The following UMAD1 variants were observed in gnomAD, a reference collection of about 807,000 sequenced individuals.
UMAD1 encodes UBAP1-MVB12-associated (UMA) domain containing 1.
Under a neutral mutation model 6.1 loss-of-function variants are expected in UMAD1, and 8 were observed. The ratio of observed to expected loss-of-function variants is 1.30; its 90% confidence interval spans 0.76 to 2.35. The LOEUF is 2.35. UMAD1 is among the 30% of genes most tolerant of loss of function. The pLI, the probability that UMAD1 is intolerant of heterozygous loss-of-function variation, is 0.00. For missense variants in UMAD1, 130 were observed against 78.4 expected (o/e 1.66, Z -2.49); for synonymous variants, 56 against 31.4 (o/e 1.78, Z -2.61).
intron 3 of UMAD1, among the ~76,000 whole-genome samples, chr7:7,858,349 G>A (rs947520977): frequency 6.6e-6 from 1 of 152,112 alleles, no homozygotes; most frequent in Non-Finnish European, 1.5e-5. Flanking sequence ...AAATTATTTA[G>A]TTTCTTCAGA....
At chr7:7,690,368 C>T (rs1346873466) in intron 2 of UMAD1, among the ~76,000 whole-genome samples, 1 of 151,938 alleles carries the variant, frequency 6.6e-6, no homozygotes, top group African/African-American at 2.4e-5. Flanking sequence ...TACAAAATCA[C>T]TTTATAAAGT....
chr7:7,733,737 T>C (rs1206324915), intron 2 of UMAD1, among the ~76,000 whole-genome samples: 1 of 151,458 alleles, frequency 6.6e-6, no homozygotes, highest in Non-Finnish European at 1.5e-5. Flanking sequence ...ATATGACTTT[T>C]TATAGTTGTG....
intron 3 of UMAD1, among the ~76,000 whole-genome samples, chr7:7,831,047 T>C (rs1783455257): frequency 6.6e-6 from 1 of 152,284 alleles, no homozygotes; most frequent in East Asian, 1.9e-4. Flanking sequence ...TTACAACAAA[T>C]ACTAATGATA....
At chr7:7,701,391 T>G (rs1278390209) in intron 2 of UMAD1, among the ~76,000 whole-genome samples, 2 of 151,058 alleles carry the variant, frequency 1.3e-5, no homozygotes, top group Non-Finnish European at 2.9e-5. Context: ...CTACAGACAA[T>G]CTATGTGACA....
At position 7,838,986 on chromosome 7, in the gene UMAD1, A is replaced by G. The variant is rs537891528; in HGVS notation, c.156+37243A>G. 4.6e-5 allele frequency among the ~76,000 whole-genome samples: 7 copies of G among 152,328 alleles called. No individual in the cohort carries two copies. The South Asian group carries it at 1.2e-3, about 27-fold the overall frequency. ...GAATAAACGCAAAATTCAGATTAGC[A>G]TTTACTTTCTAGCAGGGGAGGAAAA... On this transcript the variant is annotated intron_variant, in intron 3 of 3. Coordinates refer to ENST00000682710, the MANE Select transcript of UMAD1 (RefSeq NM_001302348.2).
intron 2 of UMAD1, among the ~76,000 whole-genome samples, chr7:7,678,064 C>T (rs542934616): frequency 2.6e-5 from 4 of 152,156 alleles, no homozygotes; most frequent in Non-Finnish European, 5.9e-5. Flanking sequence ...ATGTGGACGT[C>T]TCTTTGATAT....
At chr7:7,814,233 C>G (rs1783083070) in intron 3 of UMAD1, among the ~76,000 whole-genome samples, 1 of 152,200 alleles carries the variant, frequency 6.6e-6, no homozygotes, top group African/African-American at 2.4e-5. Flanking sequence ...ATCCGCCTGC[C>G]TCAGCCTCCT....
At chr7:7,677,664 GTTTTTTTT>G (rs141602455) in intron 2 of UMAD1, among the ~76,000 whole-genome samples, 1 of 113,502 alleles carries the variant, frequency 8.8e-6, no homozygotes, top group Non-Finnish European at 1.7e-5. Flanking sequence ...CTGTTTTTTT[GTTTTTTTT>G]TTTTTTTTTT....
At chr7:7,731,428 A>G (rs986164972) in intron 2 of UMAD1, among the ~76,000 whole-genome samples, 1 of 151,354 alleles carries the variant, frequency 6.6e-6, no homozygotes, top group African/African-American at 2.4e-5. Flanking sequence ...TCCTGGACTA[A>G]AGTGATAGCA....
intron 2 of UMAD1, among the ~76,000 whole-genome samples, chr7:7,775,910 T>C (rs777057482): frequency 6.6e-6 from 1 of 152,156 alleles, no homozygotes; most frequent in Non-Finnish European, 1.5e-5. Context: ...GGAATGAGTG[T>C]ATAATGTTGG....
At chr7:7,663,339 A>G (rs1221645542) in intron 1 of UMAD1, among the ~76,000 whole-genome samples, 3 of 125,250 alleles carry the variant, frequency 2.4e-5, no homozygotes, top group African/African-American at 8.6e-5. Flanking sequence ...AGAGAGGTGG[A>G]AGTAAAATTT....
intron 2 of UMAD1, among the ~76,000 whole-genome samples, chr7:7,721,332 A>G (rs948728734): frequency 1.3e-5 from 2 of 152,166 alleles, no homozygotes; most frequent in South Asian, 4.1e-4. Context: ...CTTTTCTCAC[A>G]TATTCCATAT....
At chr7:7,743,888 CAGAG>C (rs1345051187) in intron 2 of UMAD1, among the ~76,000 whole-genome samples, 3 of 151,882 alleles carry the variant, frequency 2.0e-5, no homozygotes, top group Non-Finnish European at 2.9e-5. Context: ...TCCATCACCC[CAGAG>C]AAACTATTTT....
At chr7:7,719,357 C>G (rs1288318047) in intron 2 of UMAD1, among the ~76,000 whole-genome samples, 1 of 152,220 alleles carries the variant, frequency 6.6e-6, no homozygotes, top group Non-Finnish European at 1.5e-5. Context: ...TGCATCTGCA[C>G]TTGTATCGCA....
At chr7:7,660,159 A>G (rs564122249) in intron 1 of UMAD1, among the ~76,000 whole-genome samples, 3 of 152,222 alleles carry the variant, frequency 2.0e-5, no homozygotes, top group African/African-American at 7.2e-5. Flanking sequence ...CTTGGTAAAT[A>G]TTCTTTCATC....
At chr7:7,725,839 G>C (rs969661880) in intron 2 of UMAD1, among the ~76,000 whole-genome samples, 1 of 152,192 alleles carries the variant, frequency 6.6e-6, no homozygotes, top group African/African-American at 2.4e-5. Flanking sequence ...ATCAGTTGAC[G>C]TAGGAAGAGA....
intron 3 of UMAD1, chr7:7,868,687 A>G (rs1470538731): frequency 6.6e-6 from 1 of 152,172 alleles, no homozygotes; most frequent in Non-Finnish European, 1.5e-5. Flanking sequence ...TTAGTTTGCT[A>G]CTGAAATACA....
chr7:7,774,905 C>G (rs1782171482), intron 2 of UMAD1, among the ~76,000 whole-genome samples: 1 of 152,188 alleles, frequency 6.6e-6, no homozygotes, highest in Non-Finnish European at 1.5e-5. Flanking sequence ...CACTTTCTGT[C>G]TCTTCCTCGC....
chr7:7,683,805 T>A (rs1043441522), intron 2 of UMAD1, among the ~76,000 whole-genome samples: 6 of 152,164 alleles, frequency 3.9e-5, no homozygotes, highest in Non-Finnish European at 8.8e-5. Flanking sequence ...GTATTTTGGA[T>A]AGAGACAGGG....
Sources: gnomAD v4.1 joint callset for allele counts (sites outside exome capture counted in the v4.1 genomes callset) on GRCh38, gnomAD v4.1.1 for gene constraint, MANE v1.5 for transcripts, NCBI Gene and HGNC (gene_info 2026-07-23, HGNC 2026-07-21) for gene names.